ECPAS: variants seen among roughly 807,000 people sequenced by gnomAD.
ECPAS encodes the protein proteasome adapter and scaffold protein ECM29.
A neutral mutation model predicts 255.1 loss-of-function variants in ECPAS; 70 were observed. That is an observed-to-expected ratio of 0.27 (90% CI 0.23 to 0.33). ECPAS has a LOEUF of 0.33. Among genes scored for constraint, ECPAS ranks in the 10% least tolerant of loss-of-function variants. ECPAS has a pLI of 1.00. For synonymous variants in ECPAS, 784 were observed against 775.0 expected, an observed-to-expected ratio of 1.01 and a Z score of -0.19; for missense variants, 1,817 against 2,206.4, an observed-to-expected ratio of 0.82 and a Z score of 3.54.
chr9:111,388,541 TG>T (rs2098154113), intron 31 of ECPAS, among the ~76,000 whole-genome samples: 1 of 151,602 alleles, frequency 6.6e-6, no homozygotes, highest in Admixed American at 6.6e-5. Context: ...GTAAGGATCA[TG>T]GAATTTATTT....
intron 31 of ECPAS, among the ~76,000 whole-genome samples, chr9:111,389,261 T>G (rs923841727): frequency 6.6e-5 from 10 of 152,232 alleles, no homozygotes; most frequent in African/African-American, 2.4e-4. Flanking sequence ...CTCCATTCCA[T>G]CAACAGTCCC....
chr9:111,417,779 T>A, intron 17 of ECPAS, 104 bp downstream of exon 17: 1 of 1,127,872 alleles, frequency 8.9e-7, no homozygotes, highest in Non-Finnish European at 1.2e-6. Context: ...GAAAAAGAAA[T>A]TTTATGAGTC....
chr9:111,415,138 A>C (rs2098201227), intron 18 of ECPAS, among the ~76,000 whole-genome samples: 1 of 152,146 alleles, frequency 6.6e-6, no homozygotes, highest in Non-Finnish European at 1.5e-5. Context: ...CCCATGACAC[A>C]TATTTACCTA....
intron 43 of ECPAS, 35 bp downstream of exon 43, chr9:111,371,585 AG>A: frequency 6.5e-7 from 1 of 1,547,776 alleles, no homozygotes; most frequent in Non-Finnish European, 8.9e-7. Flanking sequence ...AGATGAAGTC[AG>A]AATCCCTTTA....
intron 24 of ECPAS, among the ~76,000 whole-genome samples, chr9:111,405,040 A>G (rs969290662): frequency 1.6e-4 from 24 of 149,834 alleles, no homozygotes; most frequent in South Asian, 8.4e-4. Flanking sequence ...GACGTTCATC[A>G]AAGCAGAACT....
At chr9:111,405,569 C>T (rs1338493941) in intron 24 of ECPAS, among the ~76,000 whole-genome samples, 1 of 149,866 alleles carries the variant, frequency 6.7e-6, no homozygotes, top group Non-Finnish European at 1.5e-5. Context: ...TAAAAAGCTT[C>T]TGCACAGCAA....
rs2098204090 is a variant in ECPAS at position 111,416,694 on chromosome 9, A to T, written c.1684-342T>A. Among the ~76,000 whole-genome samples the T allele has an allele frequency of 2.0e-5, 3 of 152,204 alleles. No homozygotes were observed. In the South Asian group the frequency reaches 6.2e-4, roughly 32 times the overall value. ...ACTACAAGCAGAGAATCTTCTGACC[A>T]CAAATAGACTGTGCTGCTATGTGGA... On this transcript the variant is annotated intron_variant, in intron 17 of 49. Transcript: ENST00000684092.
chr9:111,389,689 C>G lies in ECPAS; in HGVS notation c.3314G>C (p.Arg1105Thr), dbSNP rs144800985. The change falls in exon 31 of 50, where the codon AGA becomes ACA. Residue 1105 changes from arginine to threonine, a missense_variant. By Grantham distance (71) the Arg-to-Thr change is moderately conservative. Coordinates refer to ENST00000684092, the MANE Select transcript of ECPAS (RefSeq NM_001364929.1). ...AAFGFNVIATRAGEQLAPFLP... is the reference protein window; with the variant it reads ...AAFGFNVIATTAGEQLAPFLP... ...AAAAGGAGCCAGCTGCTCTCCAGCT[C>G]TGGTAGCAATTACATTAAAACCAAA... 1 of 1,613,448 alleles carries G rather than the reference C, an allele frequency of 6.2e-7. No homozygotes were observed. Among genetic ancestry groups the G allele is most frequent in the East Asian group, 2.2e-5 (1 of 44,860 alleles).
intron 48 of ECPAS, among the ~76,000 whole-genome samples, chr9:111,364,861 A>G (rs757242245): frequency 2.0e-5 from 3 of 152,210 alleles, no homozygotes; most frequent in Non-Finnish European, 4.4e-5. Context: ...TATAATCATG[A>G]GAAAACATCA....
At position 111,386,567 on chromosome 9, in the gene ECPAS, A is replaced by G. The variant is rs1037985616; in HGVS notation, c.3448-111T>C. On this transcript the variant is annotated intron_variant, in intron 31 of 49. Transcript: ENST00000684092. ...ACTTAACCACACTGACCATGTTTCT[A>G]TATTTTACGGCCTCCATGTCTCTCT... The G allele has an allele frequency of 1.8e-5, 12 of 664,874 alleles. No homozygotes were observed. The Admixed American group carries it at 2.3e-4, about 13-fold the overall frequency. 41.2% of individuals were successfully genotyped at this position (664,874 alleles called of 1,614,324 possible).
intron 25 of ECPAS, among the ~76,000 whole-genome samples, chr9:111,396,251 AACC>A (rs1294527631): frequency 6.6e-6 from 1 of 152,200 alleles, no homozygotes; most frequent in African/African-American, 2.4e-5. Context: ...ATTCAAATCA[AACC>A]ACAACAAACT....
chr9:111,436,350 T>C (rs909922585), intron 7 of ECPAS, among the ~76,000 whole-genome samples: 19 of 152,262 alleles, frequency 1.2e-4, no homozygotes, highest in Admixed American at 3.3e-4. Flanking sequence ...GTAAGGCACC[T>C]TCTCTGTAGA....
intron 1 of ECPAS, among the ~76,000 whole-genome samples, chr9:111,482,909 G>C (rs1446205287): frequency 1.2e-4 from 18 of 152,168 alleles, no homozygotes; most frequent in Non-Finnish European, 5.9e-5. Flanking sequence ...CACCGCGTAC[G>C]ATCGAGGGGG....
chr9:111,418,886 C>T (rs1426580332), intron 16 of ECPAS, among the ~76,000 whole-genome samples: 1 of 152,122 alleles, frequency 6.6e-6, no homozygotes, highest in Non-Finnish European at 1.5e-5. Context: ...TAAGAAGCAA[C>T]AGAGCACCAG....
intron 2 of ECPAS, among the ~76,000 whole-genome samples, chr9:111,462,124 CA>C (rs1375907713): frequency 6.6e-6 from 1 of 152,096 alleles, no homozygotes; most frequent in African/African-American, 2.4e-5. Context: ...ATCTAAATGT[CA>C]AAGGTAAAAC....
In ECPAS at chr9:111,361,436, G is replaced by C. The variant is rs1005595114; in HGVS notation, c.*594C>G. 1 of 152,186 alleles carries C rather than the reference G, an allele frequency of 6.6e-6. No homozygotes were observed. Among genetic ancestry groups the C allele is most frequent in the East Asian group, 1.9e-4 (1 of 5,196 alleles). 9.4% of individuals were successfully genotyped at this position (152,186 alleles called of 1,614,324 possible). A position where few individuals can be genotyped will look rare whatever the true frequency, so the allele number is the denominator to read the frequency against. ...AATGGTAAGGGTCAGTTTAGTTCTG[G>C]CACAAAGACTGCTGTGTGCCACCCT... On this transcript the variant is annotated 3_prime_UTR_variant, in exon 50 of 50. Coordinates refer to ENST00000684092, the MANE Select transcript of ECPAS (RefSeq NM_001364929.1).
intron 49 of ECPAS, 88 bp from the exon 50 acceptor site, chr9:111,362,257 GA>G: frequency 8.6e-7 from 1 of 1,162,368 alleles, no homozygotes; most frequent in Non-Finnish European, 1.2e-6. Flanking sequence ...GAACAAGCAA[GA>G]AAAAAATTTA....
At chr9:111,423,112 A>G in intron 13 of ECPAS, 87 bp downstream of exon 13, 1 of 926,436 alleles carries the variant, frequency 1.1e-6, no homozygotes, top group Non-Finnish European at 1.7e-6. Flanking sequence ...GAATCACGAC[A>G]AATTTATTCT....
At chr9:111,364,371 C>G (rs1480378471) in intron 48 of ECPAS, among the ~76,000 whole-genome samples, 1 of 152,148 alleles carries the variant, frequency 6.6e-6, no homozygotes, top group Admixed American at 6.5e-5. Context: ...CTGGCCAAAT[C>G]TGGGACAACT....
Sources: allele counts gnomAD v4.1 joint callset (sites outside exome capture counted in the v4.1 genomes callset), GRCh38; gene constraint gnomAD v4.1.1; transcripts MANE v1.5; gene names NCBI Gene and HGNC (gene_info 2026-07-23, HGNC 2026-07-21).